Variants in ZNF862 observed in about 807,000 individuals in gnomAD.
ZNF862 encodes zinc finger protein 862.
A neutral mutation model predicts 91.1 loss-of-function variants in ZNF862; 64 were observed. The observed-to-expected ratio is 0.70, with a 90% confidence interval of 0.57 to 0.87. The LOEUF (loss-of-function observed/expected upper bound fraction) is 0.87, where lower values mean the gene tolerates loss of function less well. ZNF862 is among the 40% of genes least tolerant of loss of function. ZNF862 has a pLI of 0.00. For missense variants in ZNF862, 1,459 were observed against 1,528.0 expected (o/e 0.95, Z 0.75); for synonymous variants, 631 against 618.1 (o/e 1.02, Z -0.31).
chr7:149,864,153 G>A lies in ZNF862; in HGVS notation c.3379G>A (p.Glu1127Lys), dbSNP rs1802627448. Reference sequence around the variant, plus strand: ...GGAGATGGGAGCCCTCTATGTGGAGGAGCCCAGGACCCAGAAGCCACCCAT... The same window carrying A: ...GGAGATGGGAGCCCTCTATGTGGAGAAGCCCAGGACCCAGAAGCCACCCAT... The part of the protein sequence containing the change: ...KEEMGALYVE[E>K]PRTQKPPILP... Residue 1127 changes from glutamate to lysine, a missense_variant, in exon 8 of 8, where the codon GAG (glutamate) becomes AAG (lysine). Coordinates refer to ENST00000223210, the MANE Select transcript of ZNF862 (RefSeq NM_001099220.3). The A allele has an allele frequency of 6.9e-6, 11 of 1,593,784 alleles. No homozygotes were observed. The highest frequency in any genetic ancestry group is 1.3e-5 in the African/African-American group (1 of 74,472).
At chr7:149,856,987 A>G (rs1033903931) in intron 5 of ZNF862, among the ~76,000 whole-genome samples, 2 of 152,206 alleles carry the variant, frequency 1.3e-5, no homozygotes, top group Non-Finnish European at 1.5e-5. Context: ...TACTGGTGCT[A>G]TTGAGAGGTC....
chr7:149,857,201 G>A (rs1802292372), intron 5 of ZNF862, among the ~76,000 whole-genome samples: 1 of 151,796 alleles, frequency 6.6e-6, no homozygotes, highest in African/African-American at 2.4e-5. Flanking sequence ...AAATTTTCTT[G>A]TATGATTTCT....
In ZNF862 at chr7:149,850,347, G is replaced by C; in HGVS notation, c.1117+9G>C. The C allele has an allele frequency of 1.2e-6, 2 of 1,602,958 alleles. No individual in the cohort carries two copies. Among genetic ancestry groups the C allele is most frequent in the Non-Finnish European group, 1.7e-6 (2 of 1,173,206 alleles). On this transcript the variant is annotated intron_variant, in intron 5 of 7. Transcript: ENST00000223210. The surrounding 1 kb of genome is among the most constrained non-coding windows in gnomAD (Gnocchi z 4.2). ...GCTGTTGGCATCCTTGGGTAAAGAC[G>C]CACCGAGCCTCTTATTCACCACCCT...
In ZNF862 at chr7:149,847,808, G is replaced by T; in HGVS notation, c.315G>T (p.Pro105=). 6.2e-7 allele frequency: 1 copy of T among 1,613,796 alleles called. No individual in the cohort carries two copies. The highest frequency in any genetic ancestry group is 8.5e-7 in the Non-Finnish European group (1 of 1,179,814). Residue 105 remains proline (P), a synonymous_variant, in exon 4 of 8, where the codon CCG becomes CCT. Transcript: ENST00000223210. ...GPTRESGQSL[P]PQKKAYLSHL... ...CCAGGGAGAGTGGACAGTCCCTCCC[G>T]CCTCAGAAGAAAGCCTACCTTTCCC...
rs746357112 is a variant in ZNF862 at position 149,847,937 on chromosome 7, G to A, written c.444G>A (p.Pro148=). 6.8e-6 allele frequency: 11 copies of A among 1,607,050 alleles called. No individual in the cohort carries two copies. The highest frequency in any genetic ancestry group is 1.1e-5 in the South Asian group (1 of 90,098). The change falls in exon 4 of 8, where the codon CCG becomes CCA. Residue 148 remains proline, a synonymous_variant. Coordinates refer to ENST00000223210, the MANE Select transcript of ZNF862 (RefSeq NM_001099220.3). ...SIQKSWFVQF[P]WLIMNEEQTA... is the part of the protein sequence containing the mutation. Reference sequence around the variant, plus strand: ...AGAAGTCGTGGTTTGTGCAGTTTCCGTGGCTGATCATGAATGAGGAGCAGA... The same window carrying A: ...AGAAGTCGTGGTTTGTGCAGTTTCCATGGCTGATCATGAATGAGGAGCAGA...
chr7:149,852,337 T>G (rs899296305), intron 5 of ZNF862, among the ~76,000 whole-genome samples: 26 of 140,408 alleles, frequency 1.9e-4, no homozygotes, highest in Non-Finnish European at 3.2e-4. Context: ...GAACTCAGTT[T>G]TGTGTGTGTG....
intron 7 of ZNF862, among the ~76,000 whole-genome samples, chr7:149,863,345 C>G (rs1046426382): frequency 6.7e-6 from 1 of 149,300 alleles, no homozygotes; most frequent in African/African-American, 2.6e-5. Flanking sequence ...TCCCAGTGCT[C>G]TCTCTCCTCG....
rs1802728994 is a variant in ZNF862 at position 149,866,448 on chromosome 7, C to G, written c.*2164C>G. The G allele has an allele frequency of 6.6e-6, 1 of 152,252 alleles. No individual in the cohort carries two copies. The highest frequency in any genetic ancestry group is 1.5e-5 in the Non-Finnish European group (1 of 68,078). 9.4% of individuals were successfully genotyped at this position (152,252 alleles called of 1,614,324 possible). A position where few individuals can be genotyped will look rare whatever the true frequency, so the allele number is the denominator to read the frequency against. On this transcript the variant is annotated 3_prime_UTR_variant, in exon 8 of 8. Transcript: ENST00000223210. ...TCCACATCAAGGTGCTGTTCCAGCA[C>G]ACATGCTTCCTGCGGCCTCTTCATC...
intron 5 of ZNF862, among the ~76,000 whole-genome samples, chr7:149,854,544 T>C (rs1422356218): frequency 6.6e-6 from 1 of 152,232 alleles, no homozygotes; most frequent in Non-Finnish European, 1.5e-5. Flanking sequence ...TTCAAAGGAC[T>C]GCAGACTCAT....
chr7:149,864,256 C>G lies in ZNF862; in HGVS notation c.3482C>G (p.Thr1161Ser). Residue 1161 changes from threonine to serine, a missense_variant, in exon 8 of 8, where the codon ACC (threonine) becomes AGC (serine). Thr to Ser is a moderately conservative substitution (Grantham distance 58). Transcript: ENST00000223210. ...EPPERLLYPH[T>S]SQEAPGMS The stretch of plus-strand genomic sequence containing the variant: ...CCCGAGAGACTCCTGTATCCCCACA[C>G]CAGCCAGGAGGCCCCCGGGATGTCC... The G allele has an allele frequency of 6.2e-7, 1 of 1,603,048 alleles. No individual in the cohort carries two copies. Among genetic ancestry groups the G allele is most frequent in the Non-Finnish European group, 8.5e-7 (1 of 1,175,590 alleles).
rs1433991866 is a variant in ZNF862, at chr7:149,862,387, C to T, written c.3227C>T (p.Thr1076Met). 6 of 1,612,714 alleles carry T rather than the reference C, an allele frequency of 3.7e-6. No individual in the cohort carries two copies. The highest frequency in any genetic ancestry group is 2.2e-5 in the East Asian group (1 of 44,850). Residue 1076 changes from threonine to methionine, a missense_variant, in exon 7 of 8, where the codon ACG becomes ATG. Transcript: ENST00000223210. ...MMTAVNGVAVTEYDPQPAIQH... is the reference protein window; with the variant it reads ...MMTAVNGVAVMEYDPQPAIQH... ...ACAGCTGTGAACGGCGTGGCCGTCA[C>T]GGAGTACGACCCCCAGCCCGCCATC...
intron 3 of ZNF862, among the ~76,000 whole-genome samples, chr7:149,846,696 C>T (rs1220629575): frequency 6.6e-6 from 1 of 152,142 alleles, no homozygotes; most frequent in Non-Finnish European, 1.5e-5. Context: ...TTGGCTTAGC[C>T]AGGCCAGATG....
chr7:149,846,237 C>G lies in ZNF862; in HGVS notation c.223C>G (p.Leu75Val). ...TGGCAGCGTCCAGGGCCAGAGGAGC[C>G]TTCTGGAGCATCACCCAGGTGAGTG... ...WLGSVQGQRSLLEHHPGKKQM... is the reference protein window; with the variant it reads ...WLGSVQGQRSVLEHHPGKKQM... The change falls in exon 3 of 8, where the codon CTT (leucine) becomes GTT (valine). Residue 75 changes from leucine (L) to valine (V), a missense_variant. Coordinates refer to ENST00000223210, the MANE Select transcript of ZNF862 (RefSeq NM_001099220.3). 1 of 1,613,644 alleles carries G rather than the reference C, an allele frequency of 6.2e-7. No individual in the cohort carries two copies. The highest frequency in any genetic ancestry group is 8.5e-7 in the Non-Finnish European group (1 of 1,179,774).
chr7:149,851,790 C>T (rs912414601), intron 5 of ZNF862: 2 of 152,188 alleles, frequency 1.3e-5, no homozygotes, highest in Non-Finnish European at 2.9e-5. Flanking sequence ...AGGGAAATCT[C>T]AGCTAACTAA....
chr7:149,850,682 C>T lies in ZNF862; in HGVS notation c.1117+344C>T, dbSNP rs1802043433. On this transcript the variant is annotated intron_variant, in intron 5 of 7. Coordinates refer to ENST00000223210, the MANE Select transcript of ZNF862 (RefSeq NM_001099220.3). This position sits in a 1 kb window ranked among gnomAD's most constrained non-coding sequence, Gnocchi z 4.2. ...AAGAAACTATAAAATAATACAGTCT[C>T]CCATAAAAGAGCTTCCAGAAGAGTA... 2 of 188,612 alleles carry T rather than the reference C, an allele frequency of 1.1e-5. No individual in the cohort carries two copies. Among genetic ancestry groups the T allele is most frequent in the Admixed American group, 1.1e-4 (2 of 18,898 alleles). 11.7% of individuals were successfully genotyped at this position (188,612 alleles called of 1,614,324 possible). A position where few individuals can be genotyped will look rare whatever the true frequency, so the allele number is the denominator to read the frequency against.
At chr7:149,853,142 G>GA (rs1364247141) in intron 5 of ZNF862, among the ~76,000 whole-genome samples, 6 of 152,130 alleles carry the variant, frequency 3.9e-5, no homozygotes, top group African/African-American at 1.4e-4. Flanking sequence ...AGTCAGGACT[G>GA]AAACTCCCGG....
chr7:149,850,454 A>G lies in ZNF862; in HGVS notation c.1117+116A>G. The G allele has an allele frequency of 9.0e-7, 1 of 1,106,066 alleles. No homozygotes were observed. The highest frequency in any genetic ancestry group is 1.3e-6 in the Non-Finnish European group (1 of 790,464). The allele number at this position is 1,106,066 out of a possible 1,614,324, so 68.5% of individuals were successfully genotyped here. On this transcript the variant is annotated intron_variant, in intron 5 of 7. Transcript: ENST00000223210. The surrounding 1 kb of genome is among the most constrained non-coding windows in gnomAD (Gnocchi z 4.2). The stretch of plus-strand genomic sequence containing the variant: ...CTGCCCCCTCCCTGTGTGTAGGCAG[A>G]GACCGATCCTGTCTTTTGCACCTCA...
intron 6 of ZNF862, chr7:149,860,090 C>T: frequency 2.3e-6 from 1 of 431,650 alleles, no homozygotes; most frequent in Non-Finnish European, 4.1e-6. Flanking sequence ...GTTAATTGAA[C>T]TTATTGGTAT....
rs1052027978 is a variant in ZNF862, at chr7:149,838,759, C to T, written c.24+124C>T. 8.4e-6 allele frequency: 5 copies of T among 597,300 alleles called. No individual in the cohort carries two copies. In the African/African-American group the frequency reaches 9.5e-5, roughly 11 times the overall value. The allele number at this position is 597,300 out of a possible 1,614,324, so 37.0% of individuals were successfully genotyped here. ...AGCCAGGCTTGCAGGGAAGGACTCG[C>T]CGGCCCGCCCTCTCTTCCCGCACTT... On this transcript the variant is annotated intron_variant, in intron 1 of 7. Transcript: ENST00000223210.
Sources: gnomAD v4.1 joint callset for allele counts (sites outside exome capture counted in the v4.1 genomes callset) on GRCh38, gnomAD v4.1.1 for gene constraint, Gnocchi (gnomAD v3.1) non-coding constraint, MANE v1.5 for transcripts, NCBI Gene and HGNC (gene_info 2026-07-23, HGNC 2026-07-21) for gene names.